The following CDH13 variants were observed in gnomAD, a reference collection of about 807,000 sequenced individuals.
CDH13 encodes the protein cadherin 13.
Under a neutral mutation model 63.8 loss-of-function variants are expected in CDH13, and 24 were observed. The ratio of observed to expected loss-of-function variants is 0.38; its 90% CI spans 0.27 to 0.53. CDH13 has a LOEUF of 0.53. CDH13 is among the 20% of genes least tolerant of loss of function. The probability of loss-of-function intolerance (pLI) is 0.85; values close to 1 mark genes in which losing one functional copy is unlikely to be tolerated. For missense variants in CDH13, 1,049 were observed against 903.1 expected, an observed-to-expected ratio of 1.16 and a Z score of -2.07; for synonymous variants, 503 against 355.3, an observed-to-expected ratio of 1.42 and a Z score of -4.67.
At chr16:82,985,722 G>T (rs919534052) in intron 2 of CDH13, among the ~76,000 whole-genome samples, 3 of 152,094 alleles carry the variant, frequency 2.0e-5, no homozygotes, top group African/African-American at 4.8e-5. Flanking sequence ...ATGTTGAATT[G>T]CAATCCCCAG....
At chr16:83,637,225 C>G (rs554165470) in intron 8 of CDH13, among the ~76,000 whole-genome samples, 3 of 151,230 alleles carry the variant, frequency 2.0e-5, no homozygotes, top group Non-Finnish European at 2.9e-5. Flanking sequence ...ATATCAAAAA[C>G]GTCTAATAGA....
chr16:83,778,763 A>G (rs1474823382), intron 11 of CDH13, among the ~76,000 whole-genome samples: 1 of 152,144 alleles, frequency 6.6e-6, no homozygotes, highest in Non-Finnish European at 1.5e-5. Flanking sequence ...CCTGTCCAGC[A>G]GGGTCAGCCA....
Position 82,650,481 on chromosome 16 carries a change from G to A in CDH13, c.45+23344G>A, listed in dbSNP as rs147348135. Among the ~76,000 whole-genome samples, 4 of 152,240 alleles carry A rather than the reference G, an allele frequency of 2.6e-5. No individual in the cohort carries two copies. The East Asian group carries it at 7.7e-4, about 29-fold the overall frequency. ...GGAGAAGCCTGCACACCACAGACTT[G>A]GCATGAGAAGTCCTAAAAGCCTCAT... On this transcript the variant is annotated intron_variant, in intron 1 of 13. Transcript: ENST00000567109.
At chr16:83,561,283 C>CT (rs975608508) in intron 7 of CDH13, among the ~76,000 whole-genome samples, 1 of 146,608 alleles carries the variant, frequency 6.8e-6, no homozygotes, top group African/African-American at 2.6e-5. Context: ...CCCATCTCTA[C>CT]TAAAAAAAAA....
intron 13 of CDH13, among the ~76,000 whole-genome samples, chr16:83,788,632 G>A (rs1050481924): frequency 6.6e-6 from 1 of 152,176 alleles, no homozygotes; most frequent in Non-Finnish European, 1.5e-5. Context: ...CTTGGGTCAA[G>A]TTAATCTAAG....
At chr16:83,568,006 G>A (rs1904300746) in intron 7 of CDH13, among the ~76,000 whole-genome samples, 4 of 152,138 alleles carry the variant, frequency 2.6e-5, no homozygotes, top group African/African-American at 9.7e-5. Context: ...TCAGCAGCAT[G>A]TACACCTCAT....
chr16:83,205,497 C>CCAT (rs1295196010), intron 4 of CDH13, among the ~76,000 whole-genome samples: 1 of 151,882 alleles, frequency 6.6e-6, no homozygotes, highest in Non-Finnish European at 1.5e-5. Context: ...CCCTTGAAGG[C>CCAT]CATGAGTACT....
At chr16:83,697,215 G>T (rs913880235) in intron 10 of CDH13, among the ~76,000 whole-genome samples, 1 of 152,172 alleles carries the variant, frequency 6.6e-6, no homozygotes, top group Non-Finnish European at 1.5e-5. Flanking sequence ...GGAAAAATTT[G>T]AGTTCACCTG....
In CDH13 at chr16:83,273,691, A is replaced by C. The variant is rs143261334; in HGVS notation, c.636+56194A>C. Among the ~76,000 whole-genome samples the C allele has an allele frequency of 7.0e-3, 1,060 of 152,306 alleles. 4 individuals are homozygous for C. Among genetic ancestry groups the C allele is most frequent in the Middle Eastern group, 0.031 (9 of 294 alleles). ...ATAAAAGTGAAGACAGGTTTTAATG[A>C]CATAGGTTTCAAGTTAACTACTGTT... On this transcript the variant is annotated intron_variant, in intron 5 of 13. Coordinates refer to ENST00000567109, the MANE Select transcript of CDH13 (RefSeq NM_001257.5).
intron 7 of CDH13, among the ~76,000 whole-genome samples, chr16:83,505,966 G>C (rs942313054): frequency 2.0e-5 from 3 of 152,166 alleles, no homozygotes; most frequent in African/African-American, 7.2e-5. Flanking sequence ...CTTACCCCGG[G>C]AGAAGCTGAG....
At chr16:83,216,031 A>G (rs1371324558) in intron 4 of CDH13, among the ~76,000 whole-genome samples, 1 of 147,898 alleles carries the variant, frequency 6.8e-6, no homozygotes, top group Non-Finnish European at 1.5e-5. Flanking sequence ...CTAACCCTCT[A>G]CATGCTTAAG....
At chr16:82,993,871 C>G (rs1249507417) in intron 2 of CDH13, among the ~76,000 whole-genome samples, 1 of 152,156 alleles carries the variant, frequency 6.6e-6, no homozygotes, top group Non-Finnish European at 1.5e-5. Flanking sequence ...TCACCTGGTG[C>G]TTCGTTCTTT....
chr16:83,198,811 C>A (rs2038947688), intron 4 of CDH13, among the ~76,000 whole-genome samples: 1 of 152,072 alleles, frequency 6.6e-6, no homozygotes. Flanking sequence ...TTTAGAAATA[C>A]TGGAAGGTAG....
chr16:83,102,388 C>A (rs1375344752), intron 3 of CDH13, among the ~76,000 whole-genome samples: 3 of 152,168 alleles, frequency 2.0e-5, no homozygotes, highest in South Asian at 2.1e-4. Context: ...GGCAGGGAGA[C>A]CAGCAAATCT....
At chr16:83,347,203 A>C (rs1380662161) in intron 6 of CDH13, among the ~76,000 whole-genome samples, 2 of 152,188 alleles carry the variant, frequency 1.3e-5, no homozygotes, top group Non-Finnish European at 2.9e-5. Flanking sequence ...TCTTCAACTT[A>C]AATCGTTTAC....
At chr16:83,223,527 G>C (rs926342065) in intron 5 of CDH13, among the ~76,000 whole-genome samples, 3 of 152,192 alleles carry the variant, frequency 2.0e-5, no homozygotes, top group African/African-American at 7.2e-5. Flanking sequence ...GGCTCTTCCT[G>C]CCACTTTGCT....
intron 6 of CDH13, among the ~76,000 whole-genome samples, chr16:83,368,480 C>G (rs1026230200): frequency 1.3e-5 from 2 of 152,108 alleles, no homozygotes; most frequent in Non-Finnish European, 2.9e-5. Flanking sequence ...TAGTTGTTTT[C>G]CTTTTCCTAA....
chr16:83,192,386 G>A (rs115788575), intron 4 of CDH13, among the ~76,000 whole-genome samples: 8 of 152,266 alleles, frequency 5.3e-5, no homozygotes, highest in South Asian at 4.1e-4. Context: ...GCCTTGAGCC[G>A]TTCAGAGTTG....
At chr16:82,776,771 C>A (rs961498634) in intron 1 of CDH13, among the ~76,000 whole-genome samples, 5 of 152,126 alleles carry the variant, frequency 3.3e-5, no homozygotes, top group African/African-American at 1.2e-4. Context: ...TGGCTTCATC[C>A]CTCTCTTCTC....
Sources: gnomAD v4.1 joint callset for allele counts (sites outside exome capture counted in the v4.1 genomes callset) on GRCh38, gnomAD v4.1.1 for gene constraint, MANE v1.5 for transcripts, NCBI Gene and HGNC (gene_info 2026-07-23, HGNC 2026-07-21) for gene names.